The following FAM53B variants were observed in gnomAD, a reference collection of about 807,000 sequenced individuals.
FAM53B encodes protein FAM53B.
In FAM53B, 12 loss-of-function variants were observed where a neutral mutation model predicts 32.7. The observed-to-expected ratio is 0.37, with a 90% confidence interval of 0.24 to 0.59. The LOEUF (loss-of-function observed/expected upper bound fraction) is 0.59. FAM53B is among the 20% of genes least tolerant of loss of function. The pLI is 0.72. For missense variants in FAM53B, 477 were observed against 577.7 expected (o/e 0.83, Z 1.79); for synonymous variants, 234 against 228.7 (o/e 1.02, Z -0.21).
At chr10:124,691,133 A>G (rs1281532139) in intron 3 of FAM53B, among the ~76,000 whole-genome samples, 1 of 152,256 alleles carries the variant, frequency 6.6e-6, no homozygotes, top group Non-Finnish European at 1.5e-5. Context: ...ACCAAAAGCT[A>G]CCAAATCTCA....
intron 3 of FAM53B, among the ~76,000 whole-genome samples, chr10:124,683,676 C>G (rs752728716): frequency 6.6e-6 from 1 of 152,184 alleles, no homozygotes; most frequent in Non-Finnish European, 1.5e-5. Context: ...CCAGCTTAGT[C>G]AGGCCCCAGA....
chr10:124,675,961 TC>T (rs1160877857), intron 4 of FAM53B, among the ~76,000 whole-genome samples: 2 of 152,218 alleles, frequency 1.3e-5, no homozygotes, highest in Non-Finnish European at 2.9e-5. Flanking sequence ...AGAGGAGGAT[TC>T]TAAGACCTCC....
chr10:124,631,867 G>T lies in FAM53B; in HGVS notation c.907-8263C>A, dbSNP rs1044133764. Among the ~76,000 whole-genome samples the T allele has an allele frequency of 7.2e-5, 11 of 152,150 alleles. No homozygotes were observed. The South Asian group carries it at 1.7e-3, about 23-fold the overall frequency. On this transcript the variant is annotated intron_variant, in intron 4 of 4. Coordinates refer to ENST00000337318, the MANE Select transcript of FAM53B (RefSeq NM_014661.4). Reference sequence around the variant, plus strand: ...TCTGCAGCAGCCACTCCGGAAGCAGGCCCAAGCTCCTGTGTGTACCCCATT... The same window carrying T: ...TCTGCAGCAGCCACTCCGGAAGCAGTCCCAAGCTCCTGTGTGTACCCCATT...
intron 4 of FAM53B, among the ~76,000 whole-genome samples, chr10:124,662,004 C>G (rs564685103): frequency 2.0e-5 from 3 of 152,210 alleles, no homozygotes; most frequent in African/African-American, 7.2e-5. Context: ...GTGTCCACCA[C>G]GGCAAGGCAG....
In FAM53B at chr10:124,744,361, G is replaced by A. The variant is rs927908000; in HGVS notation, c.-523C>T. ...GAGGCAGGCGGCGTGCGGCGGCGGC[G>A]GCAGGCGAGTGTGCAGTGCGCGCAG... On this transcript the variant is annotated 5_prime_UTR_variant, in exon 1 of 5. Transcript: ENST00000337318. The A allele has an allele frequency of 5.4e-5, 8 of 148,136 alleles. No individual in the cohort carries two copies. Among genetic ancestry groups the A allele is most frequent in the African/African-American group, 1.7e-4 (7 of 40,886 alleles). The allele number at this position is 148,136 out of a possible 1,614,324, so 9.2% of individuals were successfully genotyped here.
chr10:124,742,845 AACACC>A (rs1420326373), intron 1 of FAM53B: 1 of 152,200 alleles, frequency 6.6e-6, no homozygotes, highest in Non-Finnish European at 1.5e-5. Flanking sequence ...CCACTTTCCT[AACACC>A]ACCGAGTCCG....
intron 1 of FAM53B, among the ~76,000 whole-genome samples, chr10:124,731,751 T>G (rs1950144638): frequency 6.6e-6 from 1 of 152,016 alleles, no homozygotes. Context: ...CATGCTAGAC[T>G]GCCACATGAA....
chr10:124,620,274 CCAGCCCCTGGGCCCCACGGGTGGACGG>C lies in FAM53B; in HGVS notation c.*2941_*2967del. On this transcript the variant is annotated 3_prime_UTR_variant, in exon 5 of 5. Coordinates refer to ENST00000337318, the MANE Select transcript of FAM53B (RefSeq NM_014661.4). ...CAACGAAAATGGCAAGGCTGTGGCC[CCAGCCCCTGGGCCCCACGGGTGGACGG>C]CAGCCCCTGGCAGTTTGGTGGCTTT... 1 of 152,506 alleles carries C rather than the reference CCAGCCCCTGGGCCCCACGGGTGGACGG, an allele frequency of 6.6e-6. No homozygotes were observed. The highest frequency in any genetic ancestry group is 2.4e-5 in the African/African-American group (1 of 41,350). The allele number at this position is 152,506 out of a possible 1,614,324, so 9.4% of individuals were successfully genotyped here.
chr10:124,679,315 T>G (rs1369460611), intron 4 of FAM53B, among the ~76,000 whole-genome samples: 1 of 151,910 alleles, frequency 6.6e-6, no homozygotes, highest in African/African-American at 2.4e-5. Flanking sequence ...TGGCCAGTGG[T>G]CTCACCTCAC....
chr10:124,731,119 G>A (rs928410757), intron 1 of FAM53B, among the ~76,000 whole-genome samples: 2 of 152,236 alleles, frequency 1.3e-5, no homozygotes, highest in African/African-American at 2.4e-5. Context: ...TTACCTCACA[G>A]AACCCTATAT....
chr10:124,667,121 A>C, intron 4 of FAM53B: 5 of 452,246 alleles, frequency 1.1e-5, no homozygotes, highest in Non-Finnish European at 2.0e-5. Context: ...TGGCCAGGCC[A>C]AACTGAGACC....
chr10:124,729,699 CCTGA>C (rs1950128995), intron 1 of FAM53B, among the ~76,000 whole-genome samples: 1 of 152,202 alleles, frequency 6.6e-6, no homozygotes, highest in Non-Finnish European at 1.5e-5. Context: ...GGACTGGACT[CCTGA>C]CTGTACAATG....
chr10:124,714,546 G>GTCGAGATCGAGGA (rs1298506706), intron 1 of FAM53B, among the ~76,000 whole-genome samples: 1 of 151,706 alleles, frequency 6.6e-6, no homozygotes, highest in Non-Finnish European at 1.5e-5. Flanking sequence ...GGATCACAAG[G>GTCGAGATCGAGGA]TCAGGAGATC....
Position 124,728,104 on chromosome 10 carries a change from C to T in FAM53B, c.-175+15909G>A, listed in dbSNP as rs114849892. Among the ~76,000 whole-genome samples the T allele has an allele frequency of 5.7e-3, 868 of 152,312 alleles. 11 individuals carry two copies. Among genetic ancestry groups the T allele is most frequent in the African/African-American group, 0.019 (808 of 41,574 alleles). The stretch of plus-strand genomic sequence containing the variant: ...CTTGGTTTGAAGATCTCCATGGACT[C>T]GCTTGGCTTCGCGATCCAGTCACAC... On this transcript the variant is annotated intron_variant, in intron 1 of 4. Coordinates refer to ENST00000337318, the MANE Select transcript of FAM53B (RefSeq NM_014661.4).
chr10:124,743,667 C>G (rs956544435), intron 1 of FAM53B, among the ~76,000 whole-genome samples: 1 of 151,998 alleles, frequency 6.6e-6, no homozygotes, highest in African/African-American at 2.4e-5. Flanking sequence ...AGAGGACACC[C>G]CCGGGCGCAG....
intron 1 of FAM53B, among the ~76,000 whole-genome samples, chr10:124,728,319 A>G (rs928945062): frequency 2.0e-5 from 3 of 152,196 alleles, no homozygotes; most frequent in Non-Finnish European, 4.4e-5. Flanking sequence ...TCGTTCACTC[A>G]GCCTGGCCCC....
chr10:124,628,930 C>T (rs540821603), intron 4 of FAM53B, among the ~76,000 whole-genome samples: 55 of 152,342 alleles, frequency 3.6e-4, no homozygotes, highest in African/African-American at 1.3e-3. Context: ...GGGCTTCCCT[C>T]GCCTCCCTGA....
At chr10:124,737,974 AAAG>A (rs371512291) in intron 1 of FAM53B, among the ~76,000 whole-genome samples, 11 of 152,258 alleles carry the variant, frequency 7.2e-5, no homozygotes, top group African/African-American at 2.6e-4. Flanking sequence ...TTCAATCTGG[AAAG>A]AAGGTGGTTC....
Position 124,682,174 on chromosome 10 carries a change from C to A in FAM53B, c.339G>T (p.Gln113His). The A allele has an allele frequency of 6.2e-7, 1 of 1,613,684 alleles. No individual in the cohort carries two copies. Among genetic ancestry groups the A allele is most frequent in the Non-Finnish European group, 8.5e-7 (1 of 1,179,876 alleles). The change falls in exon 4 of 5, where the codon CAG becomes CAT. Residue 113 changes from glutamine (Q) to histidine (H), a missense_variant. Gln to His is a conservative substitution (Grantham distance 24, BLOSUM62 0). Coordinates refer to ENST00000337318, the MANE Select transcript of FAM53B (RefSeq NM_014661.4). This position sits in a 1 kb window ranked among gnomAD's most constrained non-coding sequence, Gnocchi z 5.2. ...CATCGGAGAAGGACAGTGAGCGGCA[C>A]TGGCGCTTGCTAGGGGGTGCTGAGG... ...GNPSAPPSKR[Q>H]CRSLSFSDEM...
Sources: gnomAD v4.1 joint callset for allele counts (sites outside exome capture counted in the v4.1 genomes callset) on GRCh38, gnomAD v4.1.1 for gene constraint, Gnocchi (gnomAD v3.1) non-coding constraint, MANE v1.5 for transcripts, NCBI Gene and HGNC (gene_info 2026-07-23, HGNC 2026-07-21) for gene names.